SYNPO2: variants seen among roughly 807,000 people sequenced by gnomAD.
SYNPO2 encodes synaptopodin-2.
A neutral mutation model predicts 85.0 loss-of-function variants in SYNPO2; 56 were observed. The ratio of observed to expected loss-of-function variants is 0.66; its 90% CI spans 0.53 to 0.82. The LOEUF (loss-of-function observed/expected upper bound fraction) is 0.82. Among genes scored for constraint, SYNPO2 ranks in the 40% least tolerant of loss-of-function variants. The probability of loss-of-function intolerance (pLI) is 0.00; values close to 1 mark genes in which losing one functional copy is unlikely to be tolerated. For synonymous variants in SYNPO2, 602 were observed against 591.1 expected (o/e 1.02, Z -0.27); for missense variants, 1,575 against 1,534.2 (o/e 1.03, Z -0.44).
chr4:118,942,336 G>T (rs989974191), intron 1 of SYNPO2, among the ~76,000 whole-genome samples: 2 of 152,262 alleles, frequency 1.3e-5, no homozygotes, highest in South Asian at 2.1e-4. Flanking sequence ...TGTCTATCTT[G>T]TTCACCACTG....
At chr4:118,883,150 A>C (rs1172037845) in intron 1 of SYNPO2, among the ~76,000 whole-genome samples, 1 of 151,884 alleles carries the variant, frequency 6.6e-6, no homozygotes. Flanking sequence ...TTAGATACTA[A>C]AATCATGACG....
At chr4:118,867,347 C>T (rs1016748726) in intron 1 of SYNPO2, among the ~76,000 whole-genome samples, 1 of 152,102 alleles carries the variant, frequency 6.6e-6, no homozygotes, top group Non-Finnish European at 1.5e-5. Context: ...AAAGATCTTA[C>T]TGTATCTGCC....
chr4:118,899,801 A>G (rs987081886), intron 1 of SYNPO2, among the ~76,000 whole-genome samples: 1 of 152,124 alleles, frequency 6.6e-6, no homozygotes, highest in Non-Finnish European at 1.5e-5. Flanking sequence ...CGCTCTTGTC[A>G]CCCAACCTGG....
intron 4 of SYNPO2, among the ~76,000 whole-genome samples, chr4:119,039,700 C>G (rs1561020656): frequency 6.6e-6 from 1 of 152,132 alleles, no homozygotes; most frequent in Non-Finnish European, 1.5e-5. Flanking sequence ...TAATTTATAC[C>G]TGGCAAATAA....
intron 4 of SYNPO2, among the ~76,000 whole-genome samples, chr4:119,039,648 C>T (rs1383706708): frequency 6.6e-6 from 1 of 152,164 alleles, no homozygotes; most frequent in Non-Finnish European, 1.5e-5. Context: ...CAAACACCTA[C>T]CGCTTCCAGC....
intron 1 of SYNPO2, among the ~76,000 whole-genome samples, chr4:118,890,067 T>C (rs1732310609): frequency 6.6e-6 from 1 of 152,208 alleles, no homozygotes; most frequent in Admixed American, 6.5e-5. Flanking sequence ...GGTACAGATC[T>C]TTATGAAATA....
At chr4:119,041,230 AATTG>A (rs1160546595) in intron 4 of SYNPO2, among the ~76,000 whole-genome samples, 1 of 152,222 alleles carries the variant, frequency 6.6e-6, no homozygotes, top group Non-Finnish European at 1.5e-5. Flanking sequence ...AATGCAATTG[AATTG>A]ATTTAGTCTT....
intron 1 of SYNPO2, among the ~76,000 whole-genome samples, chr4:118,932,115 C>T (rs187183343): frequency 6.6e-6 from 1 of 152,252 alleles, no homozygotes; most frequent in African/African-American, 2.4e-5. Context: ...CAGAAGGCAT[C>T]TTTTTTTCTG....
chr4:118,903,639 T>C lies in SYNPO2; in HGVS notation c.105+14498T>C, dbSNP rs565747918. On this transcript the variant is annotated intron_variant, in intron 1 of 4. Transcript: ENST00000307142. ...TTACTTTGTTATTCAGTTTAATCAG[T>C]TTAAGAGAAGGGATCCTAAAATTAT... 3.8e-4 allele frequency among the ~76,000 whole-genome samples: 58 copies of C among 152,246 alleles called. 1 individual carries two copies. In the South Asian group the frequency reaches 0.012, roughly 31 times the overall value.
intron 1 of SYNPO2, among the ~76,000 whole-genome samples, chr4:118,975,906 G>A (rs1475130303): frequency 6.6e-6 from 1 of 152,222 alleles, no homozygotes; most frequent in Non-Finnish European, 1.5e-5. Flanking sequence ...TAACTTTTGT[G>A]AGCCTTACTT....
chr4:118,910,789 C>A (rs1436562167), intron 1 of SYNPO2, among the ~76,000 whole-genome samples: 1 of 152,116 alleles, frequency 6.6e-6, no homozygotes, highest in Admixed American at 6.5e-5. Flanking sequence ...AGCACCAGAA[C>A]AAATTCTTGT....
chr4:118,996,969 G>A (rs374993934), intron 1 of SYNPO2, among the ~76,000 whole-genome samples: 13 of 149,500 alleles, frequency 8.7e-5, no homozygotes, highest in African/African-American at 2.7e-4. Flanking sequence ...GGCCGGGCGC[G>A]GTGGCTCACG....
At chr4:118,940,783 TGGA>T (rs1000721999) in intron 1 of SYNPO2, among the ~76,000 whole-genome samples, 1 of 152,162 alleles carries the variant, frequency 6.6e-6, no homozygotes, top group Non-Finnish European at 1.5e-5. Context: ...TGGGAGGAAG[TGGA>T]GGAGTGAGAG....
intron 1 of SYNPO2, among the ~76,000 whole-genome samples, chr4:119,001,126 G>A (rs1430080916): frequency 2.0e-5 from 3 of 152,264 alleles, no homozygotes; most frequent in South Asian, 4.1e-4. Context: ...CCCATGGGGG[G>A]TGCCATTAAC....
intron 1 of SYNPO2, among the ~76,000 whole-genome samples, chr4:118,900,703 C>CTCTCTCTATA (rs1277981772): frequency 1.3e-3 from 59 of 43,878 alleles, no homozygotes; most frequent in East Asian, 2.3e-3. Context: ...CTCTCTCTCT[C>CTCTCTCTATA]TATATATATA....
Position 119,057,503 on chromosome 4 carries a change from A to G in SYNPO2, c.3355A>G (p.Thr1119Ala), listed in dbSNP as rs145468048. The G allele has an allele frequency of 6.2e-7, 1 of 1,613,988 alleles. No homozygotes were observed. Among genetic ancestry groups the G allele is most frequent in the Non-Finnish European group, 8.5e-7 (1 of 1,180,042 alleles). ...QPTYSYSSKPTDGLEKANKRP... is the reference protein window; with the variant it reads ...QPTYSYSSKPADGLEKANKRP... Reference sequence around the variant, plus strand: ...TACTTATAGTTACTCTAGTAAACCAACCGATGGACTAGAGAAAGCAAACAA... The same window carrying G: ...TACTTATAGTTACTCTAGTAAACCAGCCGATGGACTAGAGAAAGCAAACAA... The change falls in exon 5 of 5, where the codon ACC becomes GCC. Residue 1119 changes from threonine to alanine, a missense_variant. Physicochemically the swap from Thr to Ala is moderately conservative, Grantham distance 58. This residue lies in a region of SYNPO2 where 1,508 missense variants were observed against 1,446.8 expected (regional missense o/e 1.04). Transcript: ENST00000307142.
chr4:119,013,287 G>C (rs543914298), intron 1 of SYNPO2, among the ~76,000 whole-genome samples: 15 of 152,170 alleles, frequency 9.9e-5, no homozygotes, highest in Non-Finnish European at 2.1e-4. Context: ...TCCTGATGAA[G>C]CAGTTAAAGT....
At chr4:118,885,277 A>C (rs1732178213), upstream of SYNPO2, among the ~76,000 whole-genome samples, 1 of 152,176 alleles carries the variant, frequency 6.6e-6, no homozygotes, top group African/African-American at 2.4e-5. Flanking sequence ...AGGAAAAATA[A>C]CATAGACATT....
intron 1 of SYNPO2, among the ~76,000 whole-genome samples, chr4:118,959,236 C>T (rs1397616069): frequency 1.3e-5 from 2 of 152,186 alleles, no homozygotes; most frequent in Admixed American, 1.3e-4. Flanking sequence ...TTACTCCCCA[C>T]CTCTTTCACT....
Sources: allele counts gnomAD v4.1 joint callset (sites outside exome capture counted in the v4.1 genomes callset), GRCh38; gene constraint gnomAD v4.1.1; regional missense constraint gnomAD v4.1.1; transcripts MANE v1.5; gene names NCBI Gene and HGNC (gene_info 2026-07-23, HGNC 2026-07-21).